Variants in SIK2 observed in about 807,000 individuals in gnomAD.
SIK2 encodes serine/threonine-protein kinase SIK2.
In SIK2, 29 loss-of-function variants were observed where a neutral mutation model predicts 103.2. The observed-to-expected ratio is 0.28, with a 90% CI of 0.21 to 0.38. The LOEUF (loss-of-function observed/expected upper bound fraction) is 0.38. Among genes scored for constraint, SIK2 ranks in the 10% least tolerant of loss-of-function variants. SIK2 has a pLI of 1.00. For missense variants in SIK2, 879 were observed against 1,171.0 expected (o/e 0.75, Z 3.64); for synonymous variants, 412 against 446.1 (o/e 0.92, Z 0.96).
At position 111,620,247 on chromosome 11, in the gene SIK2, T is replaced by C. The variant is rs1409036968; in HGVS notation, c.253-92T>C. ...GAATTGTTCATAACTGTGATTCTTT[T>C]ATTAGTAGTTTCAATTTAGGTAACT... On this transcript the variant is annotated intron_variant, in intron 2 of 14. Coordinates refer to ENST00000304987, the MANE Select transcript of SIK2 (RefSeq NM_015191.3). 3.7e-6 allele frequency: 3 copies of C among 805,730 alleles called. No individual in the cohort carries two copies. The African/African-American group carries it at 5.3e-5, about 14-fold the overall frequency. 49.9% of individuals were successfully genotyped at this position (805,730 alleles called of 1,614,324 possible). A position where few individuals can be genotyped will look rare whatever the true frequency, so the allele number is the denominator to read the frequency against.
chr11:111,717,336 A>AAG (rs1565389589), intron 9 of SIK2, among the ~76,000 whole-genome samples: 1 of 150,534 alleles, frequency 6.6e-6, no homozygotes, highest in Non-Finnish European at 1.5e-5. Flanking sequence ...AAAAAAAAAA[A>AAG]AAAAAAAGCT....
At chr11:111,611,344 A>G (rs1039253882) in intron 1 of SIK2, among the ~76,000 whole-genome samples, 1 of 152,144 alleles carries the variant, frequency 6.6e-6, no homozygotes, top group Non-Finnish European at 1.5e-5. Flanking sequence ...CATGGAATGG[A>G]TGATTTTTAA....
chr11:111,713,337 T>C (rs1301485271), intron 9 of SIK2, among the ~76,000 whole-genome samples: 1 of 152,070 alleles, frequency 6.6e-6, no homozygotes, highest in Non-Finnish European at 1.5e-5. Context: ...GGTAGTAGAG[T>C]GTCATAGAAA....
intron 3 of SIK2, among the ~76,000 whole-genome samples, chr11:111,628,463 G>A (rs1941995383): frequency 2.6e-5 from 1 of 38,886 alleles, no homozygotes; most frequent in Admixed American, 4.4e-4. Flanking sequence ...TTTTGAGACA[G>A]GATCTCACTC....
At chr11:111,695,914 C>T (rs1230098268) in intron 4 of SIK2, among the ~76,000 whole-genome samples, 1 of 152,110 alleles carries the variant, frequency 6.6e-6, no homozygotes, top group African/African-American at 2.4e-5. Flanking sequence ...TTAGTGATGA[C>T]AGTGATAATG....
At chr11:111,712,103 A>G in intron 8 of SIK2, 108 bp from the exon 9 acceptor site, 1 of 1,158,180 alleles carries the variant, frequency 8.6e-7, no homozygotes, top group Non-Finnish European at 1.2e-6. Flanking sequence ...ATAAATAAAT[A>G]TTCATTCTTT....
At chr11:111,700,498 T>A (rs559691430) in intron 4 of SIK2, among the ~76,000 whole-genome samples, 1 of 152,374 alleles carries the variant, frequency 6.6e-6, no homozygotes, top group East Asian at 1.9e-4. Context: ...TACTCATTTG[T>A]TTCTTTCCTT....
chr11:111,729,177 A>G lies in SIK2; in HGVS notation c.*5048A>G, dbSNP rs1944096732. 1 of 152,236 alleles carries G rather than the reference A, an allele frequency of 6.6e-6. No homozygotes were observed. Among genetic ancestry groups the G allele is most frequent in the Non-Finnish European group, 1.5e-5 (1 of 68,084 alleles). The allele number at this position is 152,236 out of a possible 1,614,324, so 9.4% of individuals were successfully genotyped here. A position where few individuals can be genotyped will look rare whatever the true frequency, so the allele number is the denominator to read the frequency against. On this transcript the variant is annotated 3_prime_UTR_variant, in exon 15 of 15. Coordinates refer to ENST00000304987, the MANE Select transcript of SIK2 (RefSeq NM_015191.3). ...TAATTAAGGTAGCCTAGCTGATTCT[A>G]GAAGACAGCCATCCTACGTGCACCC...
At chr11:111,668,875 T>C (rs1942585173) in intron 3 of SIK2, among the ~76,000 whole-genome samples, 1 of 152,152 alleles carries the variant, frequency 6.6e-6, no homozygotes, top group African/African-American at 2.4e-5. Context: ...GGACATGTCA[T>C]AGTTAAGAGT....
At chr11:111,719,422 C>T (rs1943738819) in intron 9 of SIK2, among the ~76,000 whole-genome samples, 1 of 147,710 alleles carries the variant, frequency 6.8e-6, no homozygotes, top group Non-Finnish European at 1.5e-5. Context: ...TCATCTTCCC[C>T]CTCTTCATTT....
chr11:111,704,843 G>T, intron 7 of SIK2, 144 bp from the exon 8 acceptor site: 1 of 875,456 alleles, frequency 1.1e-6, no homozygotes, highest in Non-Finnish European at 1.6e-6. Flanking sequence ...TCACATTTTT[G>T]GAGCAGCTTT....
At chr11:111,684,573 C>A (rs1942820524) in intron 3 of SIK2, among the ~76,000 whole-genome samples, 1 of 152,170 alleles carries the variant, frequency 6.6e-6, no homozygotes, top group African/African-American at 2.4e-5. Context: ...AAAAGATATT[C>A]TCTTATAGAA....
chr11:111,660,341 T>TAG (rs1942451173), intron 3 of SIK2, among the ~76,000 whole-genome samples: 3 of 152,050 alleles, frequency 2.0e-5, no homozygotes, highest in African/African-American at 7.2e-5. Context: ...ATATGCACCG[T>TAG]GTATAAGCTC....
rs7938884 is a variant in SIK2, at chr11:111,663,585, A to G, written c.317-24416A>G. 5.6e-3 allele frequency among the ~76,000 whole-genome samples: 845 copies of G among 152,172 alleles called. 12 individuals are homozygous for G. Among genetic ancestry groups the G allele is most frequent in the African/African-American group, 0.019 (798 of 41,522 alleles). On this transcript the variant is annotated intron_variant, in intron 3 of 14. Transcript: ENST00000304987. ...TTTTGAGCAGAGCCGTGTCATGGAA[A>G]GACTCATTTTTTCAGTGGTTACTTT...
intron 9 of SIK2, among the ~76,000 whole-genome samples, chr11:111,713,060 G>A (rs1009494915): frequency 3.9e-5 from 6 of 152,198 alleles, no homozygotes; most frequent in African/African-American, 1.4e-4. Flanking sequence ...AGCTACTCAG[G>A]AGGCTGAGGC....
intron 3 of SIK2, among the ~76,000 whole-genome samples, chr11:111,667,674 G>T (rs1235328569): frequency 6.6e-6 from 1 of 151,780 alleles, no homozygotes; most frequent in Non-Finnish European, 1.5e-5. Context: ...TGTATTTTTA[G>T]TAGAGATGAG....
chr11:111,687,938 GACT>G (rs1942869034), intron 3 of SIK2, 60 bp from the exon 4 acceptor site: 6 of 1,565,018 alleles, frequency 3.8e-6, no homozygotes, highest in Admixed American at 3.8e-5. Flanking sequence ...AAAATTTCCT[GACT>G]ACTAATAGTG....
At chr11:111,625,953 T>C (rs1653134136) in intron 3 of SIK2, among the ~76,000 whole-genome samples, 1 of 152,166 alleles carries the variant, frequency 6.6e-6, no homozygotes. Context: ...TCTATGAAAA[T>C]AGGATAGTCT....
At chr11:111,638,477 T>C (rs1055370281) in intron 3 of SIK2, among the ~76,000 whole-genome samples, 9 of 152,202 alleles carry the variant, frequency 5.9e-5, no homozygotes, top group Non-Finnish European at 1.3e-4. Context: ...CCTGAGTCTT[T>C]GGGGCATTCT....
Sources: gnomAD v4.1 joint callset for allele counts (sites outside exome capture counted in the v4.1 genomes callset) on GRCh38, gnomAD v4.1.1 for gene constraint, MANE v1.5 for transcripts, NCBI Gene and HGNC (gene_info 2026-07-23, HGNC 2026-07-21) for gene names.